Variants in ZNF90 observed in about 807,000 individuals in gnomAD.
ZNF90 encodes the protein zinc finger protein HTF9.
ZNF90 carries 11 observed loss-of-function variants against 12.0 expected under a neutral mutation model. The ratio of observed to expected loss-of-function variants is 0.92; its 90% CI spans 0.58 to 1.52. The LOEUF (loss-of-function observed/expected upper bound fraction) is 1.52. Among genes scored for constraint, ZNF90 ranks in the 40% most tolerant of loss-of-function variants. The pLI is 0.00. For synonymous variants in ZNF90, 232 were observed against 240.1 expected (o/e 0.97, Z 0.31); for missense variants, 765 against 711.5 (o/e 1.08, Z -0.86).
chr19:20,098,352 T>C (rs781942582), intron 1 of ZNF90, among the ~76,000 whole-genome samples: 1 of 152,162 alleles, frequency 6.6e-6, no homozygotes, highest in African/African-American at 2.4e-5. Context: ...CATTTGGGAG[T>C]GTGGCATTTT....
chr19:20,086,344 C>G (rs2088859793), intron 1 of ZNF90, among the ~76,000 whole-genome samples: 1 of 149,480 alleles, frequency 6.7e-6, no homozygotes, highest in African/African-American at 2.5e-5. Context: ...AAGTGATTCT[C>G]CTGCCTCAGC....
rs1342308283 is a variant in ZNF90, at chr19:20,105,272, A to C, written c.182A>C (p.Lys61Thr). The change falls in exon 3 of 4, where the codon AAA becomes ACA. Residue 61 changes from lysine to threonine, a missense_variant. Transcript: ENST00000418063. The part of the protein sequence containing the change: ...DLITCLEQGK[K>T]PFTVKRHEMI... ...ATCACCTGTCTGGAGCAAGGAAAAA[A>C]ACCCTTCACTGTGAAGAGACATGAG... The C allele has an allele frequency of 2.5e-6, 4 of 1,608,242 alleles. No homozygotes were observed. In the African/African-American group the frequency reaches 4.0e-5, roughly 16 times the overall value.
intron 3 of ZNF90, among the ~76,000 whole-genome samples, chr19:20,108,101 G>A (rs534584638): frequency 6.6e-5 from 10 of 152,052 alleles, no homozygotes; most frequent in African/African-American, 1.9e-4. Flanking sequence ...TTTTGTGTAA[G>A]AATACCATAT....
At chr19:20,108,183 T>C (rs2089055908) in intron 3 of ZNF90, among the ~76,000 whole-genome samples, 1 of 152,240 alleles carries the variant, frequency 6.6e-6, no homozygotes, top group African/African-American at 2.4e-5. Flanking sequence ...ATTAGAATCT[T>C]CTATTTATAA....
In ZNF90 at chr19:20,119,635, T is replaced by C. The variant is rs990213445; in HGVS notation, c.*275T>C. ...AAGTTCTCAATTCTTTTTTTTTTTT[T>C]TTAAGAAGGAGTTTCATGCTTCTCA... On this transcript the variant is annotated 3_prime_UTR_variant, in exon 4 of 4. Coordinates refer to ENST00000418063, the MANE Select transcript of ZNF90 (RefSeq NM_007138.2). 4 of 287,118 alleles carry C rather than the reference T, an allele frequency of 1.4e-5. No individual in the cohort carries two copies. Among genetic ancestry groups the C allele is most frequent in the South Asian group, 5.9e-5 (1 of 17,094 alleles). 17.8% of individuals were successfully genotyped at this position (287,118 alleles called of 1,614,324 possible).
intron 1 of ZNF90, among the ~76,000 whole-genome samples, chr19:20,085,184 C>A (rs2088848834): frequency 1.3e-5 from 2 of 152,040 alleles, no homozygotes; most frequent in South Asian, 4.1e-4. Context: ...ATTCTTCCCA[C>A]ATTCCTCTTG....
At chr19:20,109,641 A>G (rs1171926868) in intron 3 of ZNF90, among the ~76,000 whole-genome samples, 2 of 152,070 alleles carry the variant, frequency 1.3e-5, no homozygotes, top group Non-Finnish European at 2.9e-5. Flanking sequence ...CGGGAGGCCA[A>G]GACAGGAGGA....
In ZNF90 at chr19:20,082,698, G is replaced by T. The variant is rs191356692; in HGVS notation, c.3+4563G>T. Among the ~76,000 whole-genome samples, 279 of 152,284 alleles carry T rather than the reference G, an allele frequency of 1.8e-3. 2 individuals carry two copies. The highest frequency in any genetic ancestry group is 6.2e-3 in the African/African-American group (258 of 41,544). On this transcript the variant is annotated intron_variant, in intron 1 of 3. Coordinates refer to ENST00000418063, the MANE Select transcript of ZNF90 (RefSeq NM_007138.2). The stretch of plus-strand genomic sequence containing the variant: ...GTGCAAGGTTTTTCCCCATGTGATA[G>T]TCTGAAATATGACCTCATGGCAAGG...
chr19:20,086,983 A>G (rs2088864438), intron 1 of ZNF90: 1 of 152,250 alleles, frequency 6.6e-6, no homozygotes, highest in Non-Finnish European at 1.5e-5. Context: ...ATGTTCCACT[A>G]TATGAACACA....
rs782007904 is a variant in ZNF90 at position 20,105,327 on chromosome 19, G to A, written c.226+11G>A. 23 of 1,597,948 alleles carry A rather than the reference G, an allele frequency of 1.4e-5. No individual in the cohort carries two copies. The highest frequency in any genetic ancestry group is 1.8e-5 in the Non-Finnish European group (21 of 1,171,682). Reference sequence around the variant, plus strand: ...TTGCCAAATCCCCAGGTAGGTGCGAGTGAAAATGAATACAACAGACAACAC... The same window carrying A: ...TTGCCAAATCCCCAGGTAGGTGCGAATGAAAATGAATACAACAGACAACAC... On this transcript the variant is annotated intron_variant, in intron 3 of 3. Transcript: ENST00000418063.
In ZNF90 at chr19:20,083,260, G is replaced by A. The variant is rs192096732; in HGVS notation, c.3+5125G>A. Among the ~76,000 whole-genome samples the A allele has an allele frequency of 5.3e-3, 803 of 151,792 alleles. 5 individuals are homozygous for A. Among genetic ancestry groups the A allele is most frequent in the Non-Finnish European group, 7.4e-3 (504 of 67,974 alleles). ...CTTTTCTCAGTCTCTAGTCCCACCC[G>A]ATGAGAAATACTCACAGGTGTGGAG... On this transcript the variant is annotated intron_variant, in intron 1 of 3. Coordinates refer to ENST00000418063, the MANE Select transcript of ZNF90 (RefSeq NM_007138.2).
chr19:20,107,255 C>T (rs2089047740), intron 3 of ZNF90, among the ~76,000 whole-genome samples: 1 of 152,186 alleles, frequency 6.6e-6, no homozygotes. Flanking sequence ...GTGGCAGAAC[C>T]TCAGCCAGAC....
In ZNF90 at chr19:20,119,341, A is replaced by G; in HGVS notation, c.1787A>G (p.Lys596Arg). 1.3e-6 allele frequency: 2 copies of G among 1,589,732 alleles called. No homozygotes were observed. Among genetic ancestry groups the G allele is most frequent in the Non-Finnish European group, 1.7e-6 (2 of 1,167,918 alleles). The change falls in exon 4 of 4, where the codon AAG becomes AGG. Residue 596 changes from lysine to arginine, a missense_variant. Physicochemically the swap from Lys to Arg is conservative, Grantham distance 26 (BLOSUM62 2). Transcript: ENST00000418063. The part of the protein sequence containing the change: ...IHIGQKAYIV[K>R]NMANL The stretch of plus-strand genomic sequence containing the variant: ...ATTGGACAGAAAGCCTACATAGTGA[A>G]GAACATGGCAAATCTTTGAAATATT...
intron 1 of ZNF90, chr19:20,080,175 GC>G (rs2088809312): frequency 4.2e-6 from 2 of 475,800 alleles, no homozygotes; most frequent in Admixed American, 2.9e-5. Context: ...AAGAATTGCT[GC>G]CCAGGGGCAG....
intron 1 of ZNF90, among the ~76,000 whole-genome samples, chr19:20,101,697 C>G (rs1244660241): frequency 2.6e-5 from 4 of 152,104 alleles, no homozygotes; most frequent in African/African-American, 9.7e-5. Flanking sequence ...AAGGCATATT[C>G]TCCAGATGCA....
Position 20,118,141 on chromosome 19 carries a change from C to A in ZNF90, c.587C>A (p.Thr196Asn). Residue 196 changes from threonine to asparagine, a missense_variant, in exon 4 of 4, where the codon ACT becomes AAT. Thr to Asn is a moderately conservative substitution (Grantham distance 65, BLOSUM62 0). Coordinates refer to ENST00000418063, the MANE Select transcript of ZNF90 (RefSeq NM_007138.2). Reference protein sequence around the residue: ...STLATHKKIHTGEITCKCEEC... With the variant: ...STLATHKKIHNGEITCKCEEC... ...CTTGCTACACATAAGAAAATTCATA[C>A]TGGAGAGATAACCTGCAAATGTGAA... The A allele has an allele frequency of 1.2e-6, 2 of 1,610,820 alleles. No homozygotes were observed. Among genetic ancestry groups the A allele is most frequent in the Non-Finnish European group, 1.7e-6 (2 of 1,178,174 alleles).
chr19:20,083,836 C>T (rs561872174), intron 1 of ZNF90, among the ~76,000 whole-genome samples: 5 of 152,252 alleles, frequency 3.3e-5, no homozygotes, highest in Admixed American at 2.6e-4. Context: ...TAGCCTGAAC[C>T]TTTCAGGCTC....
intron 1 of ZNF90, among the ~76,000 whole-genome samples, chr19:20,095,362 C>T (rs1465372681): frequency 1.3e-5 from 2 of 151,940 alleles, no homozygotes; most frequent in African/African-American, 4.8e-5. Flanking sequence ...AGCAGTGTTG[C>T]AGAAGAAAAT....
At chr19:20,082,629 C>G (rs575218272) in intron 1 of ZNF90, among the ~76,000 whole-genome samples, 3 of 152,176 alleles carry the variant, frequency 2.0e-5, no homozygotes, top group Non-Finnish European at 4.4e-5. Context: ...ACACAAAACA[C>G]TGTGGAAGGC....
Sources: allele counts gnomAD v4.1 joint callset (sites outside exome capture counted in the v4.1 genomes callset), GRCh38; gene constraint gnomAD v4.1.1; transcripts MANE v1.5; gene names NCBI Gene and HGNC (gene_info 2026-07-23, HGNC 2026-07-21).